TOB2: variants seen among roughly 807,000 people sequenced by gnomAD.
The protein encoded by TOB2 is transducer of ERBB2, 2.
A neutral mutation model predicts 17.3 loss-of-function variants in TOB2; 3 were observed. The observed-to-expected ratio is 0.17, with a 90% CI of 0.08 to 0.45. TOB2 has a LOEUF of 0.45. TOB2 is among the 20% of genes least tolerant of loss of function. TOB2 has a pLI of 0.99. For missense variants in TOB2, 407 were observed against 445.7 expected (o/e 0.91, Z 0.78); for synonymous variants, 163 against 185.6 (o/e 0.88, Z 0.99).
Position 41,433,523 on chromosome 22 carries a change from T to TA in TOB2, c.*2787dup. 1 of 177,290 alleles carries TA rather than the reference T, an allele frequency of 5.6e-6. No individual in the cohort carries two copies. The highest frequency in any genetic ancestry group is 2.4e-5 in the African/African-American group (1 of 42,260). 11.0% of individuals were successfully genotyped at this position (177,290 alleles called of 1,614,324 possible). ...ATGTATCATGCTTTTAATACAAACT[T>TA]AAAAAAATCTGGAACAATAGAAACT... On this transcript the variant is annotated 3_prime_UTR_variant, in exon 2 of 2. Transcript: ENST00000327492.
chr22:41,442,902 G>A (rs1054205553), intron 1 of TOB2, among the ~76,000 whole-genome samples: 4 of 152,218 alleles, frequency 2.6e-5, no homozygotes, highest in African/African-American at 9.6e-5. Context: ...TTAAGTGGCT[G>A]CAGAGGACAC....
rs2037552905 is a variant in TOB2 at position 41,436,685 on chromosome 22, G to A, written c.661C>T (p.Arg221Cys). The A allele has an allele frequency of 6.8e-6, 11 of 1,613,670 alleles. No individual in the cohort carries two copies. Among genetic ancestry groups the A allele is most frequent in the East Asian group, 2.2e-5 (1 of 44,882 alleles). Reference sequence around the variant, plus strand: ...TTCAGCAGGCTGTTGGTGGGTGAGCGGGCCATGCGAGGCTGCTGTGGTGGC... The same window carrying A: ...TTCAGCAGGCTGTTGGTGGGTGAGCAGGCCATGCGAGGCTGCTGTGGTGGC... ...QQPPQQPRMA[R>C]SPTNSLLKHK... is the part of the protein sequence containing the mutation. The change falls in exon 2 of 2, where the codon CGC becomes TGC. Residue 221 changes from arginine to cysteine, a missense_variant. Arg to Cys is a radical substitution (Grantham distance 180). Transcript: ENST00000327492. The surrounding 1 kb of genome is among the most constrained non-coding windows in gnomAD (Gnocchi z 4.8).
chr22:41,436,976 C>T lies in TOB2; in HGVS notation c.370G>A (p.Glu124Lys), dbSNP rs1225592714. 1 of 1,614,186 alleles carries T rather than the reference C, an allele frequency of 6.2e-7. No homozygotes were observed. The highest frequency in any genetic ancestry group is 1.1e-5 in the South Asian group (1 of 91,080). The change falls in exon 2 of 2, where the codon GAG becomes AAG. Residue 124 changes from glutamate (E) to lysine (K), a missense_variant. By Grantham distance (56) the Glu-to-Lys change is moderately conservative. Coordinates refer to ENST00000327492, the MANE Select transcript of TOB2 (RefSeq NM_016272.4). The surrounding 1 kb of genome is among the most constrained non-coding windows in gnomAD (Gnocchi z 4.8). ...CTGCTCTTGATCTCCTTGTCCAGCT[C>T]TGGGGCACCGCAACCCTCACTGTCA... ...LDDSEGCGAP[E>K]LDKEIKSSFN...
chr22:41,441,783 C>T (rs562782506), intron 1 of TOB2, among the ~76,000 whole-genome samples: 9 of 151,768 alleles, frequency 5.9e-5, no homozygotes, highest in Admixed American at 1.3e-4. Flanking sequence ...TGGTGGCACA[C>T]GCCTGTAACC....
chr22:41,436,650 G>A lies in TOB2; in HGVS notation c.696C>T (p.Ser232=), dbSNP rs759708339. The part of the protein sequence containing the change: ...SPTNSLLKHK[S]LSLSMHSLNF... ...TCAGTGAATGCATAGACAGAGAGAG[G>A]CTCTTGTGCTTCAGCAGGCTGTTGG... The change falls in exon 2 of 2, where the codon AGC becomes AGT. Residue 232 remains serine, a synonymous_variant. Transcript: ENST00000327492. This position sits in a 1 kb window ranked among gnomAD's most constrained non-coding sequence, Gnocchi z 4.8. The A allele has an allele frequency of 1.2e-6, 2 of 1,614,068 alleles. No homozygotes were observed. Among genetic ancestry groups the A allele is most frequent in the Non-Finnish European group, 1.7e-6 (2 of 1,180,002 alleles).
intron 1 of TOB2, among the ~76,000 whole-genome samples, chr22:41,438,293 G>A (rs939530982): frequency 6.6e-6 from 1 of 152,080 alleles, no homozygotes; most frequent in Admixed American, 6.6e-5. Flanking sequence ...GGGCCCCATG[G>A]GTGTGTATGC....
chr22:41,442,559 C>G (rs1428566720), intron 1 of TOB2, among the ~76,000 whole-genome samples: 1 of 152,226 alleles, frequency 6.6e-6, no homozygotes, highest in Non-Finnish European at 1.5e-5. Flanking sequence ...TATAATGCCA[C>G]CTTTGCCTCT....
In TOB2 at chr22:41,436,421, C is replaced by T. The variant is rs138507314; in HGVS notation, c.925G>A (p.Ala309Thr). ...FDMAQVFGGG[A>T]NSLFLEKTPF... ...GTCTTCTCCAGGAAGAGGCTGTTGG[C>T]ACCACCTCCAAATACCTGGGCCATG... is the stretch of plus-strand genomic sequence containing the variant. The change falls in exon 2 of 2, where the codon GCC becomes ACC. Residue 309 changes from alanine (A) to threonine (T), a missense_variant. By Grantham distance (58) the Ala-to-Thr change is moderately conservative. Coordinates refer to ENST00000327492, the MANE Select transcript of TOB2 (RefSeq NM_016272.4). This position sits in a 1 kb window ranked among gnomAD's most constrained non-coding sequence, Gnocchi z 4.8. 5.8e-5 allele frequency: 94 copies of T among 1,614,080 alleles called. No individual in the cohort carries two copies. In the African/African-American group the frequency reaches 1.0e-3, roughly 17 times the overall value.
rs530761546 is a variant in TOB2, at chr22:41,442,367, G to A, written c.-63+4012C>T. Among the ~76,000 whole-genome samples the A allele has an allele frequency of 3.9e-5, 6 of 152,048 alleles. No individual in the cohort carries two copies. The East Asian group carries it at 1.2e-3, about 29-fold the overall frequency. On this transcript the variant is annotated intron_variant, in intron 1 of 1. Transcript: ENST00000327492. ...CAAGTTAACTACTCCTGAACAGTTC[G>A]GCCTCAAAATGAGAGCATTTTAAAT... is the stretch of plus-strand genomic sequence containing the variant.
At chr22:41,444,431 G>A (rs2037657576) in intron 1 of TOB2, among the ~76,000 whole-genome samples, 1 of 152,220 alleles carries the variant, frequency 6.6e-6, no homozygotes, top group African/African-American at 2.4e-5. Flanking sequence ...CCCAAACGTA[G>A]GCGGAGAGGC....
intron 1 of TOB2, among the ~76,000 whole-genome samples, chr22:41,437,948 CAAAAAAAAAAAAAAAAA>C (rs35151486): frequency 4.5e-5 from 2 of 44,478 alleles, no homozygotes; most frequent in African/African-American, 2.2e-4. Flanking sequence ...GACTCCATCT[CAAAAAAAAAAAAAAAAA>C]AAAAAAAAAA....
chr22:41,433,524 A>T lies in TOB2; in HGVS notation c.*2787T>A, dbSNP rs1222452113. The T allele has an allele frequency of 2.3e-5, 4 of 177,350 alleles. 1 individual carries two copies. In the South Asian group the frequency reaches 4.6e-4, roughly 20 times the overall value. The allele number at this position is 177,350 out of a possible 1,614,324, so 11.0% of individuals were successfully genotyped here. ...TGTATCATGCTTTTAATACAAACTTAAAAAAATCTGGAACAATAGAAACTG... is the reference window on the plus strand; with the variant it reads ...TGTATCATGCTTTTAATACAAACTTTAAAAAATCTGGAACAATAGAAACTG... On this transcript the variant is annotated 3_prime_UTR_variant, in exon 2 of 2. Transcript: ENST00000327492.
intron 1 of TOB2, among the ~76,000 whole-genome samples, chr22:41,445,206 C>T (rs1336298353): frequency 6.6e-6 from 1 of 152,204 alleles, no homozygotes; most frequent in Non-Finnish European, 1.5e-5. Context: ...AAGAAAAAAA[C>T]TGTACACCTG....
Position 41,446,382 on chromosome 22 carries a change from G to C in TOB2, c.-66C>G, listed in dbSNP as rs1056147882. 1 of 152,868 alleles carries C rather than the reference G, an allele frequency of 6.5e-6. No individual in the cohort carries two copies. Among genetic ancestry groups the C allele is most frequent in the Non-Finnish European group, 1.5e-5 (1 of 68,542 alleles). The allele number at this position is 152,868 out of a possible 1,614,324, so 9.5% of individuals were successfully genotyped here. ...GCACGCCCCCCAACTCACTCACTCGGGTCTCCGCGGCGGCGGGGCGCTCTA... is the reference window on the plus strand; with the variant it reads ...GCACGCCCCCCAACTCACTCACTCGCGTCTCCGCGGCGGCGGGGCGCTCTA... On this transcript the variant is annotated 5_prime_UTR_variant, in exon 1 of 2. Coordinates refer to ENST00000327492, the MANE Select transcript of TOB2 (RefSeq NM_016272.4).
Position 41,436,794 on chromosome 22 carries a change from G to A in TOB2, c.552C>T (p.Thr184=). 1 of 1,614,024 alleles carries A rather than the reference G, an allele frequency of 6.2e-7. No homozygotes were observed. Among genetic ancestry groups the A allele is most frequent in the Non-Finnish European group, 8.5e-7 (1 of 1,179,938 alleles). The change falls in exon 2 of 2, where the codon ACC becomes ACT. Residue 184 remains threonine (T), a synonymous_variant. Coordinates refer to ENST00000327492, the MANE Select transcript of TOB2 (RefSeq NM_016272.4). The surrounding 1 kb of genome is among the most constrained non-coding windows in gnomAD (Gnocchi z 4.8). ...ITFTTASFAA[T]KFGSTKMKKG... is the part of the protein sequence containing the mutation. ...TCTTCATCTTAGTGGAGCCAAATTTGGTGGCAGCGAAGGAGGCGGTGGTGA... is the reference window on the plus strand; with the variant it reads ...TCTTCATCTTAGTGGAGCCAAATTTAGTGGCAGCGAAGGAGGCGGTGGTGA...
Position 41,436,526 on chromosome 22 carries a change from C to A in TOB2, c.820G>T (p.Ala274Ser). The change falls in exon 2 of 2, where the codon GCG (alanine) becomes TCG (serine). Residue 274 changes from alanine to serine, a missense_variant. Coordinates refer to ENST00000327492, the MANE Select transcript of TOB2 (RefSeq NM_016272.4). The surrounding 1 kb of genome is among the most constrained non-coding windows in gnomAD (Gnocchi z 4.8). ...GGGSPSLFFD[A>S]ADGQGSGTPG... The stretch of plus-strand genomic sequence containing the variant: ...GTGCCGCTGCCCTGGCCATCGGCCG[C>A]ATCAAAGAAGAGGCTGGGTGAGCCA... The A allele has an allele frequency of 6.2e-7, 1 of 1,611,678 alleles. No individual in the cohort carries two copies. Among genetic ancestry groups the A allele is most frequent in the Non-Finnish European group, 8.5e-7 (1 of 1,178,824 alleles).
At chr22:41,440,118 C>CTT (rs58047603) in intron 1 of TOB2, among the ~76,000 whole-genome samples, 5 of 148,506 alleles carry the variant, frequency 3.4e-5, no homozygotes, top group Admixed American at 6.8e-5. Context: ...CTTTTTCTTT[C>CTT]TTTTTTTTTT....
chr22:41,446,199 T>A (rs202656), intron 1 of TOB2, among the ~76,000 whole-genome samples, 180 bp downstream of exon 1: 124,564 of 152,176 alleles, frequency 0.82, 52,039 homozygotes, highest in African/African-American at 0.95. Context: ...GAAGAGGAGC[T>A]GGGGAAAGTG....
intron 1 of TOB2, among the ~76,000 whole-genome samples, chr22:41,441,444 G>A (rs1291026546): frequency 6.6e-6 from 1 of 152,002 alleles, no homozygotes; most frequent in Non-Finnish European, 1.5e-5. Flanking sequence ...GGTCTGAAGG[G>A]CCACATAGTC....
Sources: allele counts gnomAD v4.1 joint callset (sites outside exome capture counted in the v4.1 genomes callset), GRCh38; gene constraint gnomAD v4.1.1; non-coding constraint Gnocchi (gnomAD v3.1); transcripts MANE v1.5; gene names NCBI Gene and HGNC (gene_info 2026-07-23, HGNC 2026-07-21).